SCPEP1: variants seen among roughly 807,000 people sequenced by gnomAD.
The protein encoded by SCPEP1 is serine carboxypeptidase 1, also known as retinoid-inducible serine carboxypeptidase.
A neutral mutation model predicts 63.8 loss-of-function variants in SCPEP1; 51 were observed. That is an observed-to-expected ratio of 0.80 (90% CI 0.64 to 1.01). SCPEP1 has a LOEUF of 1.01. SCPEP1 is among the 50% of genes least tolerant of loss of function. SCPEP1 has a pLI of 0.00. For missense variants in SCPEP1, 499 were observed against 554.9 expected, an observed-to-expected ratio of 0.90 and a Z score of 1.01; for synonymous variants, 204 against 207.8, an observed-to-expected ratio of 0.98 and a Z score of 0.16.
At chr17:56,994,923 G>T in intron 6 of SCPEP1, 58 bp from the exon 7 acceptor site, 1 of 1,465,236 alleles carries the variant, frequency 6.8e-7, no homozygotes, top group Non-Finnish European at 9.6e-7. Context: ...CAGTAGGTTT[G>T]TCTTTGGAAA....
At chr17:56,978,365 C>A in intron 1 of SCPEP1, 130 bp downstream of exon 1, 1 of 1,083,134 alleles carries the variant, frequency 9.2e-7, no homozygotes, top group Non-Finnish European at 1.2e-6. Context: ...AATTATATTG[C>A]TTTTGAATCT....
intron 1 of SCPEP1, among the ~76,000 whole-genome samples, chr17:56,980,201 A>G (rs1424561667): frequency 1.3e-5 from 2 of 152,070 alleles, no homozygotes; most frequent in African/African-American, 2.4e-5. Flanking sequence ...TGCAGCCTCA[A>G]CCTACTGGGC....
intron 12 of SCPEP1, among the ~76,000 whole-genome samples, chr17:57,004,259 G>C (rs1055498529): frequency 1.3e-5 from 2 of 152,160 alleles, no homozygotes; most frequent in African/African-American, 4.8e-5. Flanking sequence ...GCGCGGTGGC[G>C]CCTGCCTGTG....
chr17:56,978,288 G>A, intron 1 of SCPEP1, 53 bp downstream of exon 1: 2 of 1,489,982 alleles, frequency 1.3e-6, no homozygotes, highest in Non-Finnish European at 9.0e-7. Flanking sequence ...TTCTCCAGGC[G>A]TGAGAGTTTG....
intron 9 of SCPEP1, among the ~76,000 whole-genome samples, chr17:56,997,538 G>A (rs1019759368): frequency 3.3e-5 from 5 of 152,104 alleles, no homozygotes; most frequent in Admixed American, 6.6e-5. Flanking sequence ...GATACCCTAG[G>A]TTCCACTTTC....
At chr17:56,995,662 A>G (rs370249242) in intron 8 of SCPEP1, 27 bp downstream of exon 8, 58 of 1,610,116 alleles carry the variant, frequency 3.6e-5, no homozygotes, top group Non-Finnish European at 4.9e-5. Flanking sequence ...CTCAGAGGCG[A>G]GCCTGCTTGG....
At chr17:56,979,855 TG>T (rs1193746449) in intron 1 of SCPEP1, among the ~76,000 whole-genome samples, 1 of 152,192 alleles carries the variant, frequency 6.6e-6, no homozygotes, top group Non-Finnish European at 1.5e-5. Context: ...GTACAGTCTC[TG>T]GGGTTTGCTT....
At chr17:56,985,099 TG>T (rs1911175914) in intron 2 of SCPEP1, 1 of 284,560 alleles carries the variant, frequency 3.5e-6, no homozygotes, top group Admixed American at 5.6e-5. Context: ...AGTTAGACTC[TG>T]TCTGAAAAGA....
intron 6 of SCPEP1, among the ~76,000 whole-genome samples, chr17:56,993,683 G>A (rs559362452): frequency 5.1e-4 from 78 of 152,304 alleles, no homozygotes; most frequent in African/African-American, 1.7e-3. Flanking sequence ...CTGACCTCAG[G>A]TGATCTGCCC....
chr17:56,978,870 A>G (rs1305797987), intron 1 of SCPEP1, among the ~76,000 whole-genome samples: 1 of 152,162 alleles, frequency 6.6e-6, no homozygotes, highest in African/African-American at 2.4e-5. Flanking sequence ...TTCCTTTTCT[A>G]AAATGGGGAT....
At chr17:56,993,247 C>G (rs1911450930) in intron 6 of SCPEP1, among the ~76,000 whole-genome samples, 1 of 152,088 alleles carries the variant, frequency 6.6e-6, no homozygotes, top group African/African-American at 2.4e-5. Flanking sequence ...CAGGGGCACT[C>G]TCTACACCCA....
intron 1 of SCPEP1, among the ~76,000 whole-genome samples, chr17:56,979,536 C>T (rs557695436): frequency 1.3e-5 from 2 of 150,994 alleles, no homozygotes; most frequent in Non-Finnish European, 2.9e-5. Context: ...GAAATTGTTA[C>T]GTTAGCAAAA....
At chr17:56,986,260 C>T (rs1031586104) in intron 3 of SCPEP1, among the ~76,000 whole-genome samples, 6 of 151,740 alleles carry the variant, frequency 4.0e-5, no homozygotes, top group Admixed American at 1.3e-4. Context: ...CCCTCCGTCA[C>T]CAAGGCTAGA....
At chr17:56,995,112 C>T in intron 7 of SCPEP1, 94 bp downstream of exon 7, 1 of 1,177,072 alleles carries the variant, frequency 8.5e-7, no homozygotes, top group East Asian at 2.4e-5. Flanking sequence ...ATGAGTTTGC[C>T]TATGTGGTTG....
rs533743129 is a variant in SCPEP1, at chr17:56,999,304, T to G, written c.994+806T>G. 6.3e-4 allele frequency among the ~76,000 whole-genome samples: 96 copies of G among 152,264 alleles called. 1 individual carries two copies. In the East Asian group the frequency reaches 0.017, roughly 27 times the overall value. On this transcript the variant is annotated intron_variant, in intron 10 of 12. Transcript: ENST00000262288. The stretch of plus-strand genomic sequence containing the variant: ...GATGCTGGATATGGCCAGGCATTAC[T>G]GCGTTCTGGTCTCAAGGCCATGGTG...
intron 6 of SCPEP1, 177 bp from the exon 7 acceptor site, chr17:56,994,804 C>A: frequency 1.8e-6 from 1 of 549,766 alleles, no homozygotes; most frequent in Non-Finnish European, 3.3e-6. Context: ...ACCTTCCAGA[C>A]ACTGAGACAT....
intron 9 of SCPEP1, 58 bp downstream of exon 9, chr17:56,997,113 C>A: frequency 1.9e-6 from 2 of 1,067,286 alleles, no homozygotes; most frequent in Non-Finnish European, 2.7e-6. Flanking sequence ...AAAAAGAAAC[C>A]TGTTTATTAA....
intron 12 of SCPEP1, 96 bp from the exon 13 acceptor site, chr17:57,006,077 G>T: frequency 2.2e-6 from 2 of 912,296 alleles, no homozygotes; most frequent in Non-Finnish European, 3.4e-6. Flanking sequence ...TCACAGAGCT[G>T]GCTCCCTTTT....
intron 2 of SCPEP1, chr17:56,985,084 G>A: frequency 2.6e-6 from 1 of 386,350 alleles, no homozygotes; most frequent in Non-Finnish European, 4.7e-6. Context: ...CAACCTGGGT[G>A]ACAAAGTTAG....
Sources: allele counts gnomAD v4.1 joint callset (sites outside exome capture counted in the v4.1 genomes callset), GRCh38; gene constraint gnomAD v4.1.1; transcripts MANE v1.5; gene names NCBI Gene and HGNC (gene_info 2026-07-23, HGNC 2026-07-21).